POLQ: variants seen among roughly 807,000 people sequenced by gnomAD.
The protein encoded by POLQ is epididymis secretory sperm binding protein.
Under a neutral mutation model 259.2 loss-of-function variants are expected in POLQ, and 233 were observed. That is an observed-to-expected ratio of 0.90 (90% CI 0.81 to 1.00). The LOEUF is 1.00. Among genes scored for constraint, POLQ ranks in the 50% least tolerant of loss-of-function variants. The probability of loss-of-function intolerance (pLI) is 0.00; values close to 1 mark genes in which losing one functional copy is unlikely to be tolerated. For missense variants in POLQ, 2,871 were observed against 3,051.6 expected (o/e 0.94, Z 1.39); for synonymous variants, 1,025 against 1,048.8 (o/e 0.98, Z 0.44).
chr3:121,509,623 CA>C lies in POLQ; in HGVS notation c.1896del (p.Phe632LeufsTer8). 6.2e-7 allele frequency: 1 copy of C among 1,613,662 alleles called. No homozygotes were observed. The highest frequency in any genetic ancestry group is 8.5e-7 in the Non-Finnish European group (1 of 1,179,688). ...SLSPADTLDIFADLQRAMKGF... is the reference protein window; with the variant it reads ...SLSPADTLDIXADLQRAMKGF... ...CCCTTCATTGCTCTTTGCAGGTCAG[CA>C]AAAATATCTAAAGTATCAGCTGGAG... On this transcript the variant is annotated frameshift_variant, in exon 12 of 30. Coordinates refer to ENST00000264233, the MANE Select transcript of POLQ (RefSeq NM_199420.4). LOFTEE classifies it high-confidence loss of function.
intron 20 of POLQ, among the ~76,000 whole-genome samples, chr3:121,473,726 C>T (rs943707160): frequency 4.0e-5 from 4 of 100,952 alleles, no homozygotes; most frequent in African/African-American, 1.3e-4. Context: ...TAACACAAGG[C>T]CTTTTTTTTT....
chr3:121,461,555 G>A (rs1040102874), intron 24 of POLQ, among the ~76,000 whole-genome samples: 1 of 151,668 alleles, frequency 6.6e-6, no homozygotes, highest in Non-Finnish European at 1.5e-5. Flanking sequence ...GGAGGCTGAC[G>A]CTGGAGAATT....
chr3:121,471,760 A>AAAATAAAT (rs539806767), intron 22 of POLQ, among the ~76,000 whole-genome samples: 2 of 152,134 alleles, frequency 1.3e-5, no homozygotes, highest in East Asian at 3.9e-4. Flanking sequence ...ACTCTGTCTC[A>AAAATAAAT]AAATAAATAA....
At chr3:121,469,169 C>T (rs918957602) in intron 22 of POLQ, among the ~76,000 whole-genome samples, 2 of 114,360 alleles carry the variant, frequency 1.7e-5, no homozygotes, top group Non-Finnish European at 3.4e-5. Context: ...GCCTGGGCAA[C>T]AGAGTGAGAC....
chr3:121,477,731 C>G (rs775418733), intron 19 of POLQ, among the ~76,000 whole-genome samples: 1 of 152,152 alleles, frequency 6.6e-6, no homozygotes, highest in Non-Finnish European at 1.5e-5. Flanking sequence ...ACTTCAGCTT[C>G]CAGTATTGAG....
At chr3:121,438,878 G>A (rs766726840) in intron 27 of POLQ, among the ~76,000 whole-genome samples, 28 of 152,270 alleles carry the variant, frequency 1.8e-4, no homozygotes, top group Admixed American at 3.3e-4. Context: ...GAGTAAAGCA[G>A]TAACAAAAAG....
In POLQ at chr3:121,489,950, A is replaced by C; in HGVS notation, c.2981T>G (p.Leu994Ter). ...TCCTGGCTTCTCTTTATTTATATCT[A>C]AAGAGGCCCGTTTTCTTGCTCTGAA... The part of the protein sequence containing the change: ...SIFRARKRAS[L>*]DINKEKPGAS... The change falls in exon 16 of 30, where the codon TTA becomes TGA. Residue 994 changes from leucine to a stop codon, truncating the protein, a stop_gained. Transcript: ENST00000264233. LOFTEE classifies it high-confidence loss of function. The C allele has an allele frequency of 6.3e-7, 1 of 1,579,930 alleles. No individual in the cohort carries two copies. The highest frequency in any genetic ancestry group is 8.5e-7 in the Non-Finnish European group (1 of 1,170,768).
At chr3:121,504,370 T>C (rs909045616) in intron 12 of POLQ, among the ~76,000 whole-genome samples, 5 of 152,200 alleles carry the variant, frequency 3.3e-5, no homozygotes, top group African/African-American at 1.2e-4. Flanking sequence ...TGAATAGTTA[T>C]AAAAAGTAAA....
chr3:121,451,257 TTTGA>T (rs1018690078), intron 25 of POLQ, among the ~76,000 whole-genome samples: 1 of 152,212 alleles, frequency 6.6e-6, no homozygotes, highest in Non-Finnish European at 1.5e-5. Flanking sequence ...CTCGGAGAAG[TTTGA>T]TTGTCTGAGG....
chr3:121,515,380 C>T (rs1365762106), intron 9 of POLQ, among the ~76,000 whole-genome samples: 1 of 152,156 alleles, frequency 6.6e-6, no homozygotes, highest in African/African-American at 2.4e-5. Context: ...ATAGCAACTC[C>T]ACCTAACCTC....
At chr3:121,522,760 G>C (rs1483861555) in intron 7 of POLQ, among the ~76,000 whole-genome samples, 1 of 152,184 alleles carries the variant, frequency 6.6e-6, no homozygotes. Context: ...GTAAGGGTAA[G>C]ACGAAGCCCA....
intron 16 of POLQ, among the ~76,000 whole-genome samples, chr3:121,486,081 C>A (rs1030370776): frequency 2.0e-5 from 3 of 152,100 alleles, no homozygotes; most frequent in African/African-American, 2.4e-5. Context: ...AAGAGCTCTG[C>A]AAGGTTTTGG....
At chr3:121,501,661 C>CAAAAAAAAAAAAAAAAAA in intron 12 of POLQ, among the ~76,000 whole-genome samples, 1 of 39,914 alleles carries the variant, frequency 2.5e-5, no homozygotes, top group Non-Finnish European at 4.0e-5. Flanking sequence ...GACTCCGTCT[C>CAAAAAAAAAAAAAAAAAA]AAAAAAAAAA....
chr3:121,442,621 T>G (rs2047603314), intron 26 of POLQ, among the ~76,000 whole-genome samples: 1 of 152,186 alleles, frequency 6.6e-6, no homozygotes, highest in Admixed American at 6.5e-5. Flanking sequence ...AATGACAAGA[T>G]CTCATTCTTT....
intron 23 of POLQ, 115 bp from the exon 24 acceptor site, chr3:121,467,755 T>C (rs1296142328): frequency 6.4e-6 from 7 of 1,096,206 alleles, no homozygotes; most frequent in Non-Finnish European, 9.3e-6. Flanking sequence ...AAAACCTTAC[T>C]GAGGGCTGGG....
At chr3:121,451,512 G>A (rs2047676405) in intron 25 of POLQ, among the ~76,000 whole-genome samples, 1 of 152,210 alleles carries the variant, frequency 6.6e-6, no homozygotes, top group Non-Finnish European at 1.5e-5. Flanking sequence ...TAACAGTCAG[G>A]ACCCTCAGGT....
chr3:121,543,106 A>G (rs1454966496), intron 2 of POLQ, among the ~76,000 whole-genome samples: 1 of 152,216 alleles, frequency 6.6e-6, no homozygotes, highest in Non-Finnish European at 1.5e-5. Context: ...CAGGTAATGG[A>G]CCTAAAAACA....
At chr3:121,509,764 A>T in intron 11 of POLQ, 61 bp from the exon 12 acceptor site, 1 of 1,491,736 alleles carries the variant, frequency 6.7e-7, no homozygotes, top group Non-Finnish European at 9.2e-7. Context: ...ATAAAACAAA[A>T]TACTATCTTT....
At chr3:121,527,099 C>A (rs1222585277) in intron 7 of POLQ, among the ~76,000 whole-genome samples, 2 of 151,994 alleles carry the variant, frequency 1.3e-5, no homozygotes, top group Non-Finnish European at 2.9e-5. Flanking sequence ...CTCGCTCCAT[C>A]GCCCAGGGTG....
Sources: allele counts gnomAD v4.1 joint callset (sites outside exome capture counted in the v4.1 genomes callset), GRCh38; gene constraint gnomAD v4.1.1; transcripts MANE v1.5; gene names NCBI Gene and HGNC (gene_info 2026-07-23, HGNC 2026-07-21).